Variants in SERPINA7 observed in about 807,000 individuals in gnomAD.
SERPINA7 encodes the protein serpin family A member 7.
In SERPINA7, 14 loss-of-function variants were observed where a neutral mutation model predicts 16.0. That is an observed-to-expected ratio of 0.88 (90% CI 0.58 to 1.37). The LOEUF (loss-of-function observed/expected upper bound fraction) is 1.37, where lower values mean the gene tolerates loss of function less well. SERPINA7 is among the 40% of genes most tolerant of loss of function. The pLI is 0.00. For missense variants in SERPINA7, 335 were observed against 296.6 expected, an observed-to-expected ratio of 1.13 and a Z score of -0.95; for synonymous variants, 140 against 111.0, an observed-to-expected ratio of 1.26 and a Z score of -1.65.
At position 106,037,034 on chromosome X, in the gene SERPINA7, G is replaced by T; in HGVS notation, c.25C>A (p.Leu9Ile). 1 of 1,209,782 alleles carries T rather than the reference G, an allele frequency of 8.3e-7. No homozygotes were observed. Among genetic ancestry groups the T allele is most frequent in the Non-Finnish European group, 1.1e-6 (1 of 894,143 alleles). Residue 9 changes from leucine to isoleucine, a missense_variant, in exon 2 of 5, where the codon CTC becomes ATC. Coordinates refer to ENST00000372563, the MANE Select transcript of SERPINA7 (RefSeq NM_000354.6). Reference sequence around the variant, plus strand: ...GTAGCATGAAGCCCAAGTACCAAGAGAACCAGATACAGGAATGGTGACATT... The same window carrying T: ...GTAGCATGAAGCCCAAGTACCAAGATAACCAGATACAGGAATGGTGACATT... MSPFLYLV[L>I]LVLGLHATIH...
rs1443491819 is a variant in SERPINA7, at chrX:106,036,767, A to G, written c.292T>C (p.Phe98Leu). The change falls in exon 2 of 5, where the codon TTC (phenylalanine) becomes CTC (leucine). Residue 98 changes from phenylalanine to leucine, a missense_variant. Coordinates refer to ENST00000372563, the MANE Select transcript of SERPINA7 (RefSeq NM_000354.6). ...TQTEIVETLGFNLTDTPMVEI... is the reference protein window; with the variant it reads ...TQTEIVETLGLNLTDTPMVEI... ...ACCATTGGAGTGTCTGTGAGGTTGA[A>G]CCCCAAGGTCTCCACAATCTCAGTT... 1.7e-6 allele frequency: 2 copies of G among 1,210,524 alleles called. No individual in the cohort carries two copies. Among genetic ancestry groups the G allele is most frequent in the Admixed American group, 2.2e-5 (1 of 45,830 alleles).
At chrX:106,033,940 C>T (rs567327919) in intron 4 of SERPINA7, among the ~76,000 whole-genome samples, 2 of 112,385 alleles carry the variant, frequency 1.8e-5, no homozygotes, top group Admixed American at 1.9e-4. Context: ...GGAGTCACCT[C>T]TTAAGCATTC....
chrX:106,033,493 T>C lies in SERPINA7; in HGVS notation c.*7A>G. ...CACGTGCAATTAGCCAATGGCCTTT[T>C]TCCCAACTACGCTTCCGTTGGGTTC... On this transcript the variant is annotated 3_prime_UTR_variant, in exon 5 of 5. Transcript: ENST00000372563. 1 of 1,210,733 alleles carries C rather than the reference T, an allele frequency of 8.3e-7. No homozygotes were observed. The highest frequency in any genetic ancestry group is 1.1e-6 in the Non-Finnish European group (1 of 894,500).
At chrX:106,035,568 A>T (rs2041443277) in intron 2 of SERPINA7, among the ~76,000 whole-genome samples, 183 bp from the exon 3 acceptor site, 1 of 111,910 alleles carries the variant, frequency 8.9e-6, no homozygotes, top group East Asian at 2.8e-4. Flanking sequence ...TCTCCCAGTT[A>T]ACAGGTGGCA....
intron 2 of SERPINA7, 51 bp downstream of exon 2, chrX:106,036,386 C>A: frequency 8.4e-7 from 1 of 1,190,158 alleles, no homozygotes; most frequent in Middle Eastern, 2.3e-4. Context: ...CCTCAGCACT[C>A]CACCCAAGTA....
At chrX:106,037,199 G>T (rs2041458773) in intron 1 of SERPINA7, 124 bp from the exon 2 acceptor site, 1 of 554,962 alleles carries the variant, frequency 1.8e-6, no homozygotes. Context: ...TTGATGATGT[G>T]CTCATCAGGG....
At chrX:106,038,076 C>A (rs2041465273) in intron 1 of SERPINA7, among the ~76,000 whole-genome samples, 1 of 111,684 alleles carries the variant, frequency 9.0e-6, no homozygotes, top group Admixed American at 9.5e-5. Context: ...CTCTCCTGAG[C>A]TCCTAGCCAT....
intron 1 of SERPINA7, chrX:106,037,300 T>C: frequency 2.5e-6 from 1 of 393,856 alleles, no homozygotes; most frequent in South Asian, 4.4e-5. Context: ...ACCACGGAAA[T>C]AATGCCATGG....
Position 106,036,517 on chromosome X carries a change from G to T in SERPINA7, c.542C>A (p.Thr181Asn), listed in dbSNP as rs373406748. The T allele has an allele frequency of 7.8e-5, 94 of 1,209,073 alleles. No individual in the cohort carries two copies. Among genetic ancestry groups the T allele is most frequent in the Non-Finnish European group, 9.9e-5 (89 of 894,639 alleles). The stretch of plus-strand genomic sequence containing the variant: ...AATTAGACCCACAACTTTCCCTTTG[G>T]TTTGCATCTCCACATGACTGTTAAT... Reference protein sequence around the residue: ...QEINSHVEMQTKGKVVGLIQD... With the variant: ...QEINSHVEMQNKGKVVGLIQD... The change falls in exon 2 of 5, where the codon ACC becomes AAC. Residue 181 changes from threonine (T) to asparagine (N), a missense_variant. By Grantham distance (65) the Thr-to-Asn change is moderately conservative. Transcript: ENST00000372563.
chrX:106,033,746 G>A (rs756329645), intron 4 of SERPINA7, 43 bp from the exon 5 acceptor site: 2 of 1,209,224 alleles, frequency 1.7e-6, no homozygotes, highest in Admixed American at 4.4e-5. Context: ...GAAGAAACAG[G>A]AACAGTCTTT....
rs1258418741 is a variant in SERPINA7, at chrX:106,033,312, T to C, written c.*188A>G. The C allele has an allele frequency of 2.0e-6, 1 of 491,930 alleles. No homozygotes were observed. Among genetic ancestry groups the C allele is most frequent in the East Asian group, 3.5e-5 (1 of 28,247 alleles). 40.5% of individuals were successfully genotyped at this position (491,930 alleles called of 1,213,427 possible). On this transcript the variant is annotated 3_prime_UTR_variant, in exon 5 of 5. Transcript: ENST00000372563. ...GCTTTGGATAATAATGAATTACTCA[T>C]TGACATTCTGAATGCTCTGCCATAG...
chrX:106,035,409 G>A, intron 2 of SERPINA7, 24 bp from the exon 3 acceptor site: 2 of 1,199,570 alleles, frequency 1.7e-6, no homozygotes, highest in South Asian at 1.8e-5. Flanking sequence ...GAAAAGAGAG[G>A]TGTTTATTTT....
intron 2 of SERPINA7, among the ~76,000 whole-genome samples, chrX:106,035,608 G>T (rs923289947): frequency 9.0e-6 from 1 of 111,526 alleles, no homozygotes; most frequent in Non-Finnish European, 1.9e-5. Context: ...GGGCTGTTGG[G>T]CTCCACAGTC....
chrX:106,036,983 T>G lies in SERPINA7; in HGVS notation c.76A>C (p.Lys26Gln). Reference protein sequence around the residue: ...ATIHCASPEGKVTACHSSQPN... With the variant: ...ATIHCASPEGQVTACHSSQPN... ...TGGGATGAATGGCAGGCTGTTACTT[T>G]GCCTTCAGGTGATGCACAGTGGATT... is the stretch of plus-strand genomic sequence containing the variant. Residue 26 changes from lysine to glutamine, a missense_variant, in exon 2 of 5, where the codon AAA (lysine) becomes CAA (glutamine). Physicochemically the swap from Lys to Gln is moderately conservative, Grantham distance 53. Transcript: ENST00000372563. The G allele has an allele frequency of 8.3e-7, 1 of 1,209,893 alleles. No individual in the cohort carries two copies. Among genetic ancestry groups the G allele is most frequent in the Non-Finnish European group, 1.1e-6 (1 of 894,094 alleles).
rs6622025 is a variant in SERPINA7 at position 106,037,920 on chromosome X, G to A, written c.-18+778C>T. On this transcript the variant is annotated intron_variant, in intron 1 of 4. Transcript: ENST00000372563. The stretch of plus-strand genomic sequence containing the variant: ...GAAATGGAGTAAAGAAGTCAGGTGT[G>A]GAAATCCAATGAAAGTGGACATGTG... Among the ~76,000 whole-genome samples the A allele has an allele frequency of 1.7e-4, 19 of 111,227 alleles. No homozygotes were observed. In the East Asian group the frequency reaches 5.2e-3, roughly 30 times the overall value.
At chrX:106,035,637 A>G (rs1299233495) in intron 2 of SERPINA7, among the ~76,000 whole-genome samples, 1 of 111,438 alleles carries the variant, frequency 9.0e-6, no homozygotes, top group Non-Finnish European at 1.9e-5. Flanking sequence ...AAACTACTAT[A>G]CCACACTAAG....
intron 3 of SERPINA7, 109 bp downstream of exon 3, chrX:106,035,003 G>T: frequency 1.1e-6 from 1 of 909,928 alleles, no homozygotes; most frequent in Non-Finnish European, 1.6e-6. Flanking sequence ...ATCATACATA[G>T]CTGTTGGGTA....
intron 4 of SERPINA7, 86 bp downstream of exon 4, chrX:106,034,149 A>G (rs983272619): frequency 7.1e-6 from 7 of 989,160 alleles, no homozygotes; most frequent in Middle Eastern, 3.2e-4. Context: ...TCAGATTGCT[A>G]ATTGGTAAAA....
intron 1 of SERPINA7, among the ~76,000 whole-genome samples, chrX:106,037,650 A>C (rs1303427180): frequency 1.8e-5 from 2 of 111,401 alleles, no homozygotes; most frequent in Non-Finnish European, 3.8e-5. Flanking sequence ...CATGAGCTGA[A>C]ATTCATGCAT....
Sources: gnomAD v4.1 joint callset for allele counts (sites outside exome capture counted in the v4.1 genomes callset) on GRCh38, gnomAD v4.1.1 for gene constraint, MANE v1.5 for transcripts, NCBI Gene and HGNC (gene_info 2026-07-23, HGNC 2026-07-21) for gene names.